JPH2: variants seen among roughly 807,000 people sequenced by gnomAD.
JPH2 encodes the protein junctophilin-2.
A neutral mutation model predicts 55.9 loss-of-function variants in JPH2; 38 were observed. That is an observed-to-expected ratio of 0.68 (90% CI 0.52 to 0.89). JPH2 has a LOEUF of 0.89. Among genes scored for constraint, JPH2 ranks in the 40% least tolerant of loss-of-function variants. The pLI, the probability that JPH2 is intolerant of heterozygous loss-of-function variation, is 0.00. For missense variants in JPH2, 964 were observed against 1,037.6 expected (o/e 0.93, Z 0.97); for synonymous variants, 480 against 472.4 (o/e 1.02, Z -0.21).
chr20:44,166,110 T>A (rs1460347289), intron 1 of JPH2, among the ~76,000 whole-genome samples: 1 of 152,246 alleles, frequency 6.6e-6, no homozygotes, highest in African/African-American at 2.4e-5. Flanking sequence ...GATGAATGAA[T>A]GCATGAATGA....
chr20:44,137,465 A>T (rs1316745925), intron 2 of JPH2, among the ~76,000 whole-genome samples: 1 of 152,088 alleles, frequency 6.6e-6, no homozygotes, highest in Non-Finnish European at 1.5e-5. Context: ...AGCAGATCCC[A>T]GTGTCACTGA....
intron 1 of JPH2, chr20:44,177,782 T>C (rs761508781): frequency 2.6e-4 from 394 of 1,500,432 alleles, no homozygotes; most frequent in Non-Finnish European, 3.3e-4. Context: ...CTCGTTTTTG[T>C]CCTCAAATAT....
At chr20:44,124,927 C>A (rs1025691185) in intron 2 of JPH2, among the ~76,000 whole-genome samples, 1 of 151,890 alleles carries the variant, frequency 6.6e-6, no homozygotes, top group African/African-American at 2.4e-5. Context: ...GGCCAACATG[C>A]CGAAACCCTG....
Position 44,134,602 on chromosome 20 carries a change from T to A in JPH2, c.1170-15979A>T, listed in dbSNP as rs1447392050. ...ATTATAAATATATATAAATATATAT[T>A]TATTATAAATATAATAAATATATAT... is the stretch of plus-strand genomic sequence containing the variant. On this transcript the variant is annotated intron_variant, in intron 2 of 5. Transcript: ENST00000372980. Among the ~76,000 whole-genome samples the A allele has an allele frequency of 9.6e-5, 2 of 20,878 alleles. 1 individual carries two copies. Among genetic ancestry groups the A allele is most frequent in the African/African-American group, 4.7e-4 (2 of 4,260 alleles). The allele number at this position is 20,878 out of a possible 152,430, so 13.7% of individuals were successfully genotyped here. A position where few individuals can be genotyped will look rare whatever the true frequency, so the allele number is the denominator to read the frequency against.
intron 2 of JPH2, among the ~76,000 whole-genome samples, chr20:44,158,422 G>A (rs1029316899): frequency 5.3e-5 from 8 of 152,192 alleles, no homozygotes; most frequent in African/African-American, 1.7e-4. Flanking sequence ...CTCACTAACT[G>A]AGTGATTTTG....
rs184833444 is a variant in JPH2 at position 44,162,350 on chromosome 20, T to G, written c.380-1943A>C. 1.7e-3 allele frequency among the ~76,000 whole-genome samples: 264 copies of G among 152,224 alleles called. 6 individuals carry two copies. In the East Asian group the frequency reaches 0.028, roughly 16 times the overall value. On this transcript the variant is annotated intron_variant, in intron 1 of 5. Coordinates refer to ENST00000372980, the MANE Select transcript of JPH2 (RefSeq NM_020433.5). ...CAAGTCTTTGCTCAATGAGACCTAC[T>G]CTGACCCCCTGTGATGGTTAATACT...
chr20:44,171,003 C>G (rs1369399129), intron 1 of JPH2, among the ~76,000 whole-genome samples: 2 of 152,156 alleles, frequency 1.3e-5, no homozygotes, highest in African/African-American at 4.8e-5. Flanking sequence ...TCCCTGCCCC[C>G]CACTTCAGTT....
chr20:44,119,094 A>G (rs991093367), intron 2 of JPH2, among the ~76,000 whole-genome samples: 11 of 152,244 alleles, frequency 7.2e-5, no homozygotes, highest in African/African-American at 2.7e-4. Flanking sequence ...ATAATAATAT[A>G]CATAGGATTA....
In JPH2 at chr20:44,115,843, C is replaced by T; in HGVS notation, c.1832G>A (p.Gly611Asp). The T allele has an allele frequency of 6.3e-7, 1 of 1,595,044 alleles. No homozygotes were observed. The highest frequency in any genetic ancestry group is 8.5e-7 in the Non-Finnish European group (1 of 1,175,926). The change falls in exon 4 of 6, where the codon GGC (glycine) becomes GAC (aspartate). Residue 611 changes from glycine (G) to aspartate (D), a missense_variant. Gly to Asp is a moderately conservative substitution (Grantham distance 94). Transcript: ENST00000372980. ...GGGGGTCTCGCGTGCAGGCTCGGGG[C>T]CTCGGAGCGTGGGGGCCTGCAGCGG... is the stretch of plus-strand genomic sequence containing the variant. ...TAPLQAPTLR[G>D]PEPARETPAK...
intron 1 of JPH2, among the ~76,000 whole-genome samples, chr20:44,162,842 C>G (rs999806888): frequency 2.8e-5 from 4 of 142,334 alleles, no homozygotes; most frequent in African/African-American, 1.1e-4. Context: ...AGATCTGTCC[C>G]TCTAGAGAAC....
At chr20:44,153,283 T>C (rs996808215) in intron 2 of JPH2, among the ~76,000 whole-genome samples, 1 of 152,212 alleles carries the variant, frequency 6.6e-6, no homozygotes, top group Non-Finnish European at 1.5e-5. Flanking sequence ...CTCTGCAGCA[T>C]TACTTTCAGG....
chr20:44,177,424 G>A, intron 1 of JPH2: 1 of 988,544 alleles, frequency 1.0e-6, no homozygotes, highest in Non-Finnish European at 1.2e-6. Flanking sequence ...CTCGGACAGG[G>A]GCACGTCTGC....
Position 44,160,474 on chromosome 20 carries a change from G to T in JPH2, c.380-67C>A, listed in dbSNP as rs541224104. 2 of 1,549,902 alleles carry T rather than the reference G, an allele frequency of 1.3e-6. No homozygotes were observed. Among genetic ancestry groups the T allele is most frequent in the Admixed American group, 1.8e-5 (1 of 55,606 alleles). Reference sequence around the variant, plus strand: ...GTCCCCGCGTGTGCACGGTGGCCTGGGAGGGCAAGGGCGGGAGTGGGCAAG... The same window carrying T: ...GTCCCCGCGTGTGCACGGTGGCCTGTGAGGGCAAGGGCGGGAGTGGGCAAG... On this transcript the variant is annotated intron_variant, in intron 1 of 5. Transcript: ENST00000372980. This position sits in a 1 kb window ranked among gnomAD's most constrained non-coding sequence, Gnocchi z 4.9.
Position 44,159,608 on chromosome 20 carries a change from G to A in JPH2, c.1169+10C>T, listed in dbSNP as rs372219237. 1.2e-4 allele frequency: 198 copies of A among 1,597,410 alleles called. No individual in the cohort carries two copies. The highest frequency in any genetic ancestry group is 1.6e-4 in the Non-Finnish European group (191 of 1,178,262). ...GAGGCGACCCCTTCCCACCCCCACC[G>A]CTGTCCTACCTGGAGGCGGCAATCT... On this transcript the variant is annotated intron_variant, in intron 2 of 5. Coordinates refer to ENST00000372980, the MANE Select transcript of JPH2 (RefSeq NM_020433.5). The surrounding 1 kb of genome is among the most constrained non-coding windows in gnomAD (Gnocchi z 5.7).
rs201572464 is a variant in JPH2 at position 44,114,919 on chromosome 20, G to A, written c.2011-43C>T. 49 of 1,477,944 alleles carry A rather than the reference G, an allele frequency of 3.3e-5. 1 individual carries two copies. In the South Asian group the frequency reaches 3.4e-4, roughly 10 times the overall value. 91.6% of individuals were successfully genotyped at this position (1,477,944 alleles called of 1,614,324 possible). A position where few individuals can be genotyped will look rare whatever the true frequency, so the allele number is the denominator to read the frequency against. ...AGGCTTCCTGAGTCCCCATGGCCTC[G>A]GAGACACCCCCCACCCAGGTCACAG... On this transcript the variant is annotated intron_variant, in intron 4 of 5. Coordinates refer to ENST00000372980, the MANE Select transcript of JPH2 (RefSeq NM_020433.5).
chr20:44,142,056 A>G (rs1387081059), intron 2 of JPH2, among the ~76,000 whole-genome samples: 3 of 152,182 alleles, frequency 2.0e-5, no homozygotes, highest in Admixed American at 6.5e-5. Flanking sequence ...GCATTCTGAC[A>G]TTGGCTGGGG....
At chr20:44,149,546 C>T (rs1426774953) in intron 2 of JPH2, among the ~76,000 whole-genome samples, 1 of 152,178 alleles carries the variant, frequency 6.6e-6, no homozygotes, top group Non-Finnish European at 1.5e-5. Flanking sequence ...TGTGCTAGGC[C>T]TCCCTCCCCA....
chr20:44,186,392 T>C lies in JPH2; in HGVS notation c.314A>G (p.Lys105Arg). The change falls in exon 1 of 6, where the codon AAG becomes AGG. Residue 105 changes from lysine (K) to arginine (R), a missense_variant. Lys to Arg is a conservative substitution (Grantham distance 26). Transcript: ENST00000372980. ...GIRQSSSSGA[K>R]YEGTWNNGLQ... ...GCCATTGTTCCAGGTGCCCTCATACTTGGCACCGCTGCTTGAGCTCTGCCG... is the reference window on the plus strand; with the variant it reads ...GCCATTGTTCCAGGTGCCCTCATACCTGGCACCGCTGCTTGAGCTCTGCCG... 1 of 1,613,762 alleles carries C rather than the reference T, an allele frequency of 6.2e-7. No individual in the cohort carries two copies. Among genetic ancestry groups the C allele is most frequent in the Non-Finnish European group, 8.5e-7 (1 of 1,179,958 alleles).
At chr20:44,173,052 C>T (rs767778764) in intron 1 of JPH2, among the ~76,000 whole-genome samples, 9 of 152,166 alleles carry the variant, frequency 5.9e-5, no homozygotes, top group Non-Finnish European at 1.3e-4. Context: ...TTCACTCATG[C>T]CTGGACATAG....
Sources: gnomAD v4.1 joint callset for allele counts (sites outside exome capture counted in the v4.1 genomes callset) on GRCh38, gnomAD v4.1.1 for gene constraint, Gnocchi (gnomAD v3.1) non-coding constraint, MANE v1.5 for transcripts, NCBI Gene and HGNC (gene_info 2026-07-23, HGNC 2026-07-21) for gene names.